Variants in TLN2 observed in about 807,000 individuals in gnomAD.
TLN2 encodes talin-2.
TLN2 carries 118 observed loss-of-function variants against 294.7 expected under a neutral mutation model. That is an observed-to-expected ratio of 0.40 (90% CI 0.34 to 0.47). The LOEUF (loss-of-function observed/expected upper bound fraction) is 0.47. Ranked by LOEUF, TLN2 falls within the 20% of genes least tolerant of loss-of-function variation. The pLI is 0.84. For missense variants in TLN2, 3,083 were observed against 3,282.2 expected, an observed-to-expected ratio of 0.94 and a Z score of 1.48; for synonymous variants, 1,431 against 1,304.5, an observed-to-expected ratio of 1.10 and a Z score of -2.09.
At chr15:62,546,177 AC>A (rs1348597155) in intron 1 of TLN2, among the ~76,000 whole-genome samples, 1 of 152,036 alleles carries the variant, frequency 6.6e-6, no homozygotes, top group East Asian at 1.9e-4. Context: ...TGTCTTCACT[AC>A]CTCTGACGGG....
At chr15:62,712,390 T>C (rs765141280) in intron 22 of TLN2, among the ~76,000 whole-genome samples, 2 of 152,232 alleles carry the variant, frequency 1.3e-5, no homozygotes, top group Non-Finnish European at 2.9e-5. Flanking sequence ...GATTTTTCAA[T>C]AGCAAATTCA....
chr15:62,421,946 G>A (rs1031803448), intron 1 of TLN2, among the ~76,000 whole-genome samples: 1 of 152,054 alleles, frequency 6.6e-6, no homozygotes, highest in African/African-American at 2.4e-5. Context: ...TAAGATTTTA[G>A]GGAATCATTC....
chr15:62,577,690 T>TA (rs2044547122), intron 1 of TLN2, among the ~76,000 whole-genome samples: 1 of 151,900 alleles, frequency 6.6e-6, no homozygotes, highest in Non-Finnish European at 1.5e-5. Flanking sequence ...ATATTTAACT[T>TA]ATAAAAATTT....
chr15:62,536,131 C>T (rs1251531273), intron 1 of TLN2, among the ~76,000 whole-genome samples: 5 of 152,206 alleles, frequency 3.3e-5, no homozygotes, highest in Non-Finnish European at 7.3e-5. Flanking sequence ...CCTAGCCCTT[C>T]TTTGCCATGT....
intron 1 of TLN2, among the ~76,000 whole-genome samples, chr15:62,482,669 G>A (rs1269849135): frequency 6.8e-6 from 1 of 147,188 alleles, no homozygotes; most frequent in Non-Finnish European, 1.5e-5. Flanking sequence ...CATTAGCACA[G>A]AATGTTATTA....
At chr15:62,696,469 G>A (rs1322507138) in intron 14 of TLN2, among the ~76,000 whole-genome samples, 1 of 152,232 alleles carries the variant, frequency 6.6e-6, no homozygotes, top group Non-Finnish European at 1.5e-5. Context: ...CACTTTGGGA[G>A]GCTGAGGCGG....
intron 3 of TLN2, among the ~76,000 whole-genome samples, chr15:62,634,206 A>G (rs1021976647): frequency 1.3e-5 from 2 of 152,142 alleles, no homozygotes; most frequent in African/African-American, 4.8e-5. Context: ...ATGAATATCA[A>G]TTTTGTAGGT....
At chr15:62,697,258 C>G (rs989313018) in intron 14 of TLN2, among the ~76,000 whole-genome samples, 1 of 151,976 alleles carries the variant, frequency 6.6e-6, no homozygotes, top group Admixed American at 6.6e-5. Context: ...TAGGCATGTA[C>G]CACCACTCGG....
chr15:62,811,735 G>A (rs1172608370), intron 52 of TLN2, among the ~76,000 whole-genome samples: 1 of 152,088 alleles, frequency 6.6e-6, no homozygotes, highest in East Asian at 1.9e-4. Flanking sequence ...AATATCTGCC[G>A]AGTGCGGTGG....
At chr15:62,482,075 G>A (rs1338356540) in intron 1 of TLN2, among the ~76,000 whole-genome samples, 3 of 152,024 alleles carry the variant, frequency 2.0e-5, no homozygotes, top group Non-Finnish European at 4.4e-5. Flanking sequence ...TTATAGGAGT[G>A]AGCCACCGCA....
At chr15:62,773,172 A>C (rs1020061062) in intron 42 of TLN2, among the ~76,000 whole-genome samples, 10 of 147,616 alleles carry the variant, frequency 6.8e-5, no homozygotes, top group Non-Finnish European at 1.2e-4. Flanking sequence ...GCTCATCACA[A>C]ACTTCTGGCC....
chr15:62,392,174 G>A (rs2032149415), intron 1 of TLN2, among the ~76,000 whole-genome samples: 1 of 152,260 alleles, frequency 6.6e-6, no homozygotes, highest in South Asian at 2.1e-4. Context: ...GGCGTTTCCA[G>A]AAGTTGGGGC....
At chr15:62,450,157 A>C (rs1475367385) in intron 1 of TLN2, among the ~76,000 whole-genome samples, 1 of 152,080 alleles carries the variant, frequency 6.6e-6, no homozygotes, top group Non-Finnish European at 1.5e-5. Flanking sequence ...TGTGTGTCTC[A>C]GTAGAGTCTT....
chr15:62,811,145 A>T (rs1175974483), intron 52 of TLN2, among the ~76,000 whole-genome samples: 1 of 152,224 alleles, frequency 6.6e-6, no homozygotes, highest in Non-Finnish European at 1.5e-5. Flanking sequence ...TTATCTTCTG[A>T]TGCTAAACAT....
intron 1 of TLN2, among the ~76,000 whole-genome samples, chr15:62,403,349 A>C (rs1273766422): frequency 6.6e-6 from 1 of 152,102 alleles, no homozygotes; most frequent in Non-Finnish European, 1.5e-5. Context: ...TGTCATACTC[A>C]CTGACACCAT....
At chr15:62,751,256 C>T (rs13379701) in intron 34 of TLN2, among the ~76,000 whole-genome samples, 18,233 of 152,132 alleles carry the variant, frequency 0.12, 1,713 homozygotes, top group East Asian at 0.48. Context: ...GAATGGATGT[C>T]GAGCTGTTGC....
At chr15:62,507,142 G>A (rs1769383192) in intron 1 of TLN2, among the ~76,000 whole-genome samples, 2 of 152,214 alleles carry the variant, frequency 1.3e-5, no homozygotes, top group South Asian at 2.1e-4. Flanking sequence ...AGGAGAAAAA[G>A]AAGGATGAGT....
In TLN2 at chr15:62,686,619, C is replaced by T. The variant is rs752032192; in HGVS notation, c.958-22C>T. ...GATGTATTCAGAAGAAGAGCACTGA[C>T]TCTTGGTATCTCCTGTTTCAGGAGA... On this transcript the variant is annotated intron_variant, in intron 11 of 58. Transcript: ENST00000636159. 6.9e-6 allele frequency: 11 copies of T among 1,602,416 alleles called. No individual in the cohort carries two copies. The African/African-American group carries it at 1.5e-4, about 21-fold the overall frequency.
chr15:62,648,404 C>CAAAAAA (rs66528062), intron 4 of TLN2, among the ~76,000 whole-genome samples: 29 of 61,836 alleles, frequency 4.7e-4, no homozygotes, highest in Middle Eastern at 0.017. Flanking sequence ...GACCCTGACT[C>CAAAAAA]AAAAAAAAAA....
Sources: allele counts gnomAD v4.1 joint callset (sites outside exome capture counted in the v4.1 genomes callset), GRCh38; gene constraint gnomAD v4.1.1; transcripts MANE v1.5; gene names NCBI Gene and HGNC (gene_info 2026-07-23, HGNC 2026-07-21).